HS3ST3A1: variants seen among roughly 807,000 people sequenced by gnomAD.
HS3ST3A1 encodes heparan sulfate glucosamine 3-O-sulfotransferase 3A1.
Under a neutral mutation model 25.7 loss-of-function variants are expected in HS3ST3A1, and 19 were observed. The observed-to-expected ratio is 0.74, with a 90% confidence interval of 0.52 to 1.08. The LOEUF is 1.08. Ranked by LOEUF, HS3ST3A1 falls within the 50% of genes least tolerant of loss-of-function variation. The pLI is 0.00. For synonymous variants in HS3ST3A1, 226 were observed against 278.6 expected (o/e 0.81, Z 1.88); for missense variants, 459 against 594.3 (o/e 0.77, Z 2.37).
intron 1 of HS3ST3A1, among the ~76,000 whole-genome samples, chr17:13,590,637 G>C (rs1299603365): frequency 1.3e-5 from 2 of 152,178 alleles, no homozygotes; most frequent in African/African-American, 4.8e-5. Context: ...CAACAGTCAT[G>C]TCTTATGTGA....
Position 13,496,115 on chromosome 17 carries a change from A to T in HS3ST3A1, c.*82T>A. ...AAATACTGAAACATATTTTCAGCAC[A>T]AATATTAAACTGTCTCTTCTCTACC... On this transcript the variant is annotated 3_prime_UTR_variant, in exon 2 of 2. Transcript: ENST00000284110. 1.5e-6 allele frequency: 2 copies of T among 1,378,742 alleles called. No homozygotes were observed. Among genetic ancestry groups the T allele is most frequent in the Admixed American group, 5.9e-5 (2 of 33,784 alleles). The allele number at this position is 1,378,742 out of a possible 1,614,324, so 85.4% of individuals were successfully genotyped here. A position where few individuals can be genotyped will look rare whatever the true frequency, so the allele number is the denominator to read the frequency against.
At position 13,518,019 on chromosome 17, in the gene HS3ST3A1, G is replaced by A. The variant is rs183511466; in HGVS notation, c.600-21201C>T. Among the ~76,000 whole-genome samples the A allele has an allele frequency of 2.4e-3, 365 of 152,242 alleles. 2 individuals carry two copies. Among genetic ancestry groups the A allele is most frequent in the Middle Eastern group, 6.8e-3 (2 of 294 alleles). The stretch of plus-strand genomic sequence containing the variant: ...GGAGAGGAAGGATTCTAGAAGAAAA[G>A]TGCTTGAAAAAATGGAGGCATAAGA... On this transcript the variant is annotated intron_variant, in intron 1 of 1. Transcript: ENST00000284110.
intron 1 of HS3ST3A1, among the ~76,000 whole-genome samples, chr17:13,500,886 CAG>C (rs1231218643): frequency 6.6e-6 from 1 of 152,132 alleles, no homozygotes; most frequent in Non-Finnish European, 1.5e-5. Context: ...TGTGTATTGA[CAG>C]ATGAACGGAT....
At chr17:13,496,924 C>G (rs948704323) in intron 1 of HS3ST3A1, 106 bp from the exon 2 acceptor site, 2 of 1,462,354 alleles carry the variant, frequency 1.4e-6, no homozygotes, top group South Asian at 1.4e-5. Context: ...GCCCCCGCAA[C>G]CCCCCACTTG....
In HS3ST3A1 at chr17:13,591,661, CTTTTTT is replaced by C. The variant is rs34995100; in HGVS notation, c.599+8864_599+8869del. On this transcript the variant is annotated intron_variant, in intron 1 of 1. Transcript: ENST00000284110. Reference sequence around the variant, plus strand: ...TGCCCAAATTTCCTTTTTTCTTCTTCTTTTTTTTTTTTTTTGGGACAGAGTCTCACT... The same window carrying C: ...TGCCCAAATTTCCTTTTTTCTTCTTCTTTTTTTTTGGGACAGAGTCTCACT... 4.2e-5 allele frequency among the ~76,000 whole-genome samples: 6 copies of C among 142,294 alleles called. No individual in the cohort carries two copies. In the East Asian group the frequency reaches 6.2e-4, roughly 15 times the overall value. The allele number at this position is 142,294 out of a possible 152,430, so 93.4% of individuals were successfully genotyped here.
Position 13,496,798 on chromosome 17 carries a change from A to C in HS3ST3A1, c.620T>G (p.Leu207Arg), listed in dbSNP as rs1598404906. 9.3e-6 allele frequency: 15 copies of C among 1,613,248 alleles called. No homozygotes were observed. Among genetic ancestry groups the C allele is most frequent in the Non-Finnish European group, 1.3e-5 (15 of 1,179,534 alleles). Residue 207 changes from leucine to arginine, a missense_variant, in exon 2 of 2, where the codon CTG (leucine) becomes CGG (arginine). Around this residue, in one of 3 missense-constraint regions of HS3ST3A1, gnomAD observed 346 missense variants for 303.9 expected, o/e 1.14. Transcript: ENST00000284110. The part of the protein sequence containing the change: ...AWYRDLMPRT[L>R]DGQITMEKTP... ...CTTCTCCATGGTGATCTGCCCGTCC[A>C]GGGTTCTGGGCATCAGGTCCCTGAG... is the stretch of plus-strand genomic sequence containing the variant.
At chr17:13,579,980 A>G (rs924337333) in intron 1 of HS3ST3A1, among the ~76,000 whole-genome samples, 3 of 150,488 alleles carry the variant, frequency 2.0e-5, no homozygotes, top group Non-Finnish European at 4.4e-5. Flanking sequence ...AAAAGAAATT[A>G]TACATATACT....
At position 13,601,205 on chromosome 17, in the gene HS3ST3A1, C is replaced by G. The variant is rs1908730414; in HGVS notation, c.-76G>C. 3 of 1,182,674 alleles carry G rather than the reference C, an allele frequency of 2.5e-6. No homozygotes were observed. The highest frequency in any genetic ancestry group is 3.4e-6 in the Non-Finnish European group (3 of 886,668). 73.3% of individuals were successfully genotyped at this position (1,182,674 alleles called of 1,614,324 possible). A position where few individuals can be genotyped will look rare whatever the true frequency, so the allele number is the denominator to read the frequency against. ...CCCGACAGGTGCCAGAGCATCCCCC[C>G]GGCGGGCCAGCGCGCTGGACGGAGG... is the stretch of plus-strand genomic sequence containing the variant. On this transcript the variant is annotated 5_prime_UTR_variant, in exon 1 of 2. Transcript: ENST00000284110.
At chr17:13,590,942 G>C (rs1308763578) in intron 1 of HS3ST3A1, among the ~76,000 whole-genome samples, 1 of 152,118 alleles carries the variant, frequency 6.6e-6, no homozygotes, top group Non-Finnish European at 1.5e-5. Context: ...AGGGACCTCA[G>C]GGTAGCTCGG....
chr17:13,536,429 T>C (rs998201499), intron 1 of HS3ST3A1, among the ~76,000 whole-genome samples: 4 of 152,174 alleles, frequency 2.6e-5, no homozygotes, highest in Non-Finnish European at 5.9e-5. Context: ...TATAAGACAA[T>C]GGACACAAGC....
At position 13,556,088 on chromosome 17, in the gene HS3ST3A1, A is replaced by G. The variant is rs1598425368; in HGVS notation, c.599+44443T>C. ...ATCCACATTCAGCTTTGAGGAATCA[A>G]GTTAAAGGATGACACCTAGGGCCAT... is the stretch of plus-strand genomic sequence containing the variant. On this transcript the variant is annotated intron_variant, in intron 1 of 1. Coordinates refer to ENST00000284110, the MANE Select transcript of HS3ST3A1 (RefSeq NM_006042.3). 3 of 152,340 alleles carry G rather than the reference A, an allele frequency of 2.0e-5. No homozygotes were observed. The South Asian group carries it at 6.2e-4, about 32-fold the overall frequency. 9.4% of individuals were successfully genotyped at this position (152,340 alleles called of 1,614,324 possible). A position where few individuals can be genotyped will look rare whatever the true frequency, so the allele number is the denominator to read the frequency against.
chr17:13,577,572 A>G (rs970030028), intron 1 of HS3ST3A1, among the ~76,000 whole-genome samples: 5 of 152,188 alleles, frequency 3.3e-5, no homozygotes, highest in Admixed American at 1.3e-4. Flanking sequence ...GTCAAAATTT[A>G]CATAATCCAG....
intron 1 of HS3ST3A1, among the ~76,000 whole-genome samples, chr17:13,511,048 A>G (rs1905844045): frequency 6.6e-6 from 1 of 152,230 alleles, no homozygotes; most frequent in South Asian, 2.1e-4. Context: ...GGCATTTTAC[A>G]TAGCCTCTTA....
intron 1 of HS3ST3A1, among the ~76,000 whole-genome samples, chr17:13,552,154 A>G (rs1373646978): frequency 6.6e-6 from 1 of 152,158 alleles, no homozygotes; most frequent in Non-Finnish European, 1.5e-5. Context: ...ATCTTGGCTC[A>G]CCGCAACCTC....
chr17:13,580,985 G>A (rs1364425052), intron 1 of HS3ST3A1, among the ~76,000 whole-genome samples: 2 of 152,174 alleles, frequency 1.3e-5, no homozygotes, highest in Non-Finnish European at 2.9e-5. Context: ...GTGTATTCCT[G>A]TGAGGCTGGG....
chr17:13,531,285 A>G (rs1002009742), intron 1 of HS3ST3A1, among the ~76,000 whole-genome samples: 2 of 152,150 alleles, frequency 1.3e-5, no homozygotes, highest in African/African-American at 2.4e-5. Context: ...TTGTATTTTC[A>G]TCCATTTTTC....
chr17:13,588,350 C>T (rs1908332502), intron 1 of HS3ST3A1, among the ~76,000 whole-genome samples: 1 of 151,918 alleles, frequency 6.6e-6, no homozygotes, highest in African/African-American at 2.4e-5. Context: ...TGAGTCTATT[C>T]GTGGTACAGT....
intron 1 of HS3ST3A1, among the ~76,000 whole-genome samples, chr17:13,518,840 C>A (rs987600688): frequency 1.3e-5 from 2 of 152,308 alleles, no homozygotes; most frequent in Admixed American, 1.3e-4. Flanking sequence ...TCTGGTCGAC[C>A]CACAGCTGAC....
At chr17:13,508,940 C>A (rs1490279153) in intron 1 of HS3ST3A1, among the ~76,000 whole-genome samples, 2 of 151,828 alleles carry the variant, frequency 1.3e-5, no homozygotes, top group East Asian at 3.9e-4. Context: ...ATATTTCCTA[C>A]TTTGAGGGTA....
Sources: gnomAD v4.1 joint callset for allele counts (sites outside exome capture counted in the v4.1 genomes callset) on GRCh38, gnomAD v4.1.1 for gene constraint, gnomAD v4.1.1 regional missense constraint, MANE v1.5 for transcripts, NCBI Gene and HGNC (gene_info 2026-07-23, HGNC 2026-07-21) for gene names.